The following EVC variants were observed in gnomAD, a reference collection of about 807,000 sequenced individuals.
EVC encodes the protein EvC ciliary complex subunit 1, also known as evC complex member EVC.
EVC carries 116 observed loss-of-function variants against 118.9 expected under a neutral mutation model. That is an observed-to-expected ratio of 0.98 (90% CI 0.84 to 1.14). The LOEUF is 1.14. Ranked by LOEUF, EVC falls within the 50% of genes most tolerant of loss-of-function variation. EVC has a pLI of 0.00. For synonymous variants in EVC, 619 were observed against 534.7 expected (o/e 1.16, Z -2.18); for missense variants, 1,401 against 1,246.4 (o/e 1.12, Z -1.87).
At chr4:5,748,571 TCCATCCATCCAC>T (rs1478115831) in intron 8 of EVC, among the ~76,000 whole-genome samples, 7 of 91,536 alleles carry the variant, frequency 7.6e-5, no homozygotes, top group African/African-American at 2.0e-4. Context: ...CATTTATCCA[TCCATCCATCCAC>T]CCATCCATCC....
chr4:5,735,670 G>A (rs1727548790), intron 5 of EVC, among the ~76,000 whole-genome samples: 1 of 152,158 alleles, frequency 6.6e-6, no homozygotes, highest in South Asian at 2.1e-4. Flanking sequence ...GGAACCTGAG[G>A]TTCAGAGAGG....
intron 11 of EVC, among the ~76,000 whole-genome samples, chr4:5,769,027 A>T (rs192825686): frequency 6.6e-6 from 1 of 152,132 alleles, no homozygotes; most frequent in East Asian, 1.9e-4. Flanking sequence ...ATGATATTGC[A>T]GGCACAGTGG....
rs988888128 is a variant in EVC at position 5,737,946 on chromosome 4, G to A, written c.703-3770G>A. 3.3e-5 allele frequency among the ~76,000 whole-genome samples: 5 copies of A among 152,122 alleles called. No homozygotes were observed. Among genetic ancestry groups the A allele is most frequent in the African/African-American group, 1.2e-4 (5 of 41,402 alleles). Reference sequence around the variant, plus strand: ...AACTGCCATACATAGTGATTCCTCTGAAGGATTTGAACAATGTAAATTGAA... The same window carrying A: ...AACTGCCATACATAGTGATTCCTCTAAAGGATTTGAACAATGTAAATTGAA... On this transcript the variant is annotated intron_variant, in intron 5 of 20. Coordinates refer to ENST00000264956, the MANE Select transcript of EVC (RefSeq NM_153717.3). This position sits in a 1 kb window ranked among gnomAD's most constrained non-coding sequence, Gnocchi z 5.0.
At chr4:5,720,287 C>T (rs1197117025) in intron 2 of EVC, among the ~76,000 whole-genome samples, 1 of 152,184 alleles carries the variant, frequency 6.6e-6, no homozygotes, top group Non-Finnish European at 1.5e-5. Context: ...CGTGAATGAT[C>T]TCGTGCCCTT....
chr4:5,731,774 G>T lies in EVC; in HGVS notation c.617+117G>T. The stretch of plus-strand genomic sequence containing the variant: ...AGAGAGGTTCAGTGACTCTGCCAGG[G>T]ACACACAGCGACCCAGCGTCACCAT... On this transcript the variant is annotated intron_variant, in intron 4 of 20. Coordinates refer to ENST00000264956, the MANE Select transcript of EVC (RefSeq NM_153717.3). This position sits in a 1 kb window ranked among gnomAD's most constrained non-coding sequence, Gnocchi z 5.6. The T allele has an allele frequency of 2.0e-6, 2 of 996,686 alleles. No individual in the cohort carries two copies. The highest frequency in any genetic ancestry group is 3.1e-6 in the Non-Finnish European group (2 of 647,130). The allele number at this position is 996,686 out of a possible 1,614,324, so 61.7% of individuals were successfully genotyped here.
intron 1 of EVC, among the ~76,000 whole-genome samples, chr4:5,713,655 C>CAACAA: frequency 4.3e-5 from 5 of 116,028 alleles, no homozygotes; most frequent in Admixed American, 1.2e-4. Flanking sequence ...CCAGCCTGGG[C>CAACAA]GATAGAGCAA....
intron 17 of EVC, among the ~76,000 whole-genome samples, chr4:5,807,553 T>C (rs2152384798): frequency 6.6e-6 from 1 of 152,252 alleles, no homozygotes; most frequent in East Asian, 1.9e-4. Context: ...GATTTGGATG[T>C]TCCTGACTGC....
intron 11 of EVC, among the ~76,000 whole-genome samples, chr4:5,760,620 T>C (rs1213452165): frequency 1.3e-5 from 2 of 152,152 alleles, no homozygotes; most frequent in Non-Finnish European, 2.9e-5. Flanking sequence ...TGGTGCGATC[T>C]CAGCTCACTG....
the EVC span, among the ~76,000 whole-genome samples, chr4:5,823,541 G>C: frequency 2.6e-5 from 4 of 152,206 alleles, no homozygotes; most frequent in Non-Finnish European, 5.9e-5. Context: ...GGAGGGGTTT[G>C]GGTCATGAAG....
In EVC at chr4:5,719,322, A is replaced by G. The variant is rs35870680; in HGVS notation, c.249A>G (p.Ser83=). The change falls in exon 2 of 21, where the codon TCA becomes TCG. Residue 83 remains serine, a synonymous_variant. Transcript: ENST00000264956. The surrounding 1 kb of genome is among the most constrained non-coding windows in gnomAD (Gnocchi z 4.7). ...CCCCCTCGGAAACTGGCTCCCCATC[A>G]AGGAGGAGGAAGAGAGAAGTGCAGA... is the stretch of plus-strand genomic sequence containing the variant. The part of the protein sequence containing the change: ...AQTPSETGSP[S]RRRKREVQMS... The G allele has an allele frequency of 0.13, 210,888 of 1,614,116 alleles. 15,096 individuals are homozygous for G. Among genetic ancestry groups the G allele is most frequent in the Middle Eastern group, 0.17 (1,023 of 6,062 alleles).
rs1225432816 is a variant in EVC, at chr4:5,801,961, G to A, written c.2316G>A (p.Met772Ile). ...CTTTCTTCCCTCAGAGGACACTGAT[G>A]GAGGCGGCAGTGGAGAGCGTCTACG... The part of the protein sequence containing the change: ...KDRDDFKRTL[M>I]EAAVESVYVT... The change falls in exon 16 of 21, where the codon ATG becomes ATA. Residue 772 changes from methionine to isoleucine, a missense_variant. By Grantham distance (10) the Met-to-Ile change is conservative (BLOSUM62 1). Transcript: ENST00000264956. 3 of 1,613,470 alleles carry A rather than the reference G, an allele frequency of 1.9e-6. No individual in the cohort carries two copies. The African/African-American group carries it at 4.0e-5, about 22-fold the overall frequency.
intron 1 of EVC, among the ~76,000 whole-genome samples, chr4:5,713,293 C>G (rs1384178766): frequency 6.6e-6 from 1 of 152,170 alleles, no homozygotes; most frequent in Non-Finnish European, 1.5e-5. Context: ...TTCCTCCTGT[C>G]TCCTCCCTCT....
At chr4:5,821,815 C>T in the EVC span, 1 of 1,610,824 alleles carries the variant, frequency 6.2e-7, no homozygotes, top group Non-Finnish European at 8.5e-7. The surrounding 1 kb of genome is among the most constrained non-coding windows in gnomAD (Gnocchi z 4.4). Context: ...GATGCGGTGG[C>T]CGGTGCGCCT....
chr4:5,758,060 A>G (rs1314351994), intron 11 of EVC: 1 of 702,390 alleles, frequency 1.4e-6, no homozygotes. Context: ...CCCTAATTCT[A>G]ATGGCTGGTG....
intron 11 of EVC, chr4:5,758,075 T>C (rs1253429661): frequency 1.4e-6 from 1 of 702,392 alleles, no homozygotes; most frequent in South Asian, 1.5e-5. Context: ...CTGGTGTCCT[T>C]ATAAGAAGGC....
chr4:5,741,905 A>G (rs561752605), intron 6 of EVC, 91 bp downstream of exon 6: 16 of 641,688 alleles, frequency 2.5e-5, no homozygotes, highest in Admixed American at 1.1e-4. Context: ...TCTTTCATGT[A>G]TAAAATAGCT....
chr4:5,827,975 G>C, the EVC span: 2 of 932,462 alleles, frequency 2.1e-6, no homozygotes, highest in Non-Finnish European at 2.6e-6. Context: ...AGGAAAATAA[G>C]GAACGACAGG....
intron 1 of EVC, among the ~76,000 whole-genome samples, chr4:5,713,676 CAAAAAAA>C (rs35032068): frequency 1.4e-5 from 1 of 71,748 alleles, no homozygotes; most frequent in South Asian, 5.6e-4. Context: ...GGCTCCGTCT[CAAAAAAA>C]AAAAAAAAAA....
rs79758861 is a variant in EVC, at chr4:5,753,728, C to G, written c.1316-57C>G. ...AGACAGGAGAAAGCATGAGGGTCCC[C>G]ACTGAAATTCTGGCTCACAGAGTCA... is the stretch of plus-strand genomic sequence containing the variant. On this transcript the variant is annotated intron_variant, in intron 9 of 20. Transcript: ENST00000264956. 1.3e-3 allele frequency: 2,104 copies of G among 1,609,790 alleles called. 28 individuals carry two copies. In the African/African-American group the frequency reaches 0.025, roughly 19 times the overall value.
Sources: allele counts gnomAD v4.1 joint callset (sites outside exome capture counted in the v4.1 genomes callset), GRCh38; gene constraint gnomAD v4.1.1; non-coding constraint Gnocchi (gnomAD v3.1); transcripts MANE v1.5; gene names NCBI Gene and HGNC (gene_info 2026-07-23, HGNC 2026-07-21).